The following PRAMEF20 variants were observed in gnomAD, a reference collection of about 807,000 sequenced individuals.
PRAMEF20 encodes PRAME family member 20/21.
Under a neutral mutation model 32.4 loss-of-function variants are expected in PRAMEF20, and 27 were observed. The ratio of observed to expected loss-of-function variants is 0.83; its 90% CI spans 0.61 to 1.15. The LOEUF is 1.15. Ranked by LOEUF, PRAMEF20 falls within the 50% of genes most tolerant of loss-of-function variation. The pLI is 0.00. For missense variants in PRAMEF20, 604 were observed against 584.5 expected (o/e 1.03, Z -0.34); for synonymous variants, 256 against 235.4 (o/e 1.09, Z -0.80).
chr1:13,412,172 C>G (rs1427272279), upstream of PRAMEF20, among the ~76,000 whole-genome samples: 2 of 152,040 alleles, frequency 1.3e-5, no homozygotes, highest in African/African-American at 2.4e-5. Context: ...CATGAGCCAC[C>G]ACACCAAGTT....
chr1:13,418,067 C>A, intron 1 of PRAMEF20, 55 bp from the exon 3 acceptor site: 4 of 1,609,466 alleles, frequency 2.5e-6, no homozygotes, highest in Non-Finnish European at 3.4e-6. Flanking sequence ...AGCCACTGAG[C>A]CCAGCCTCAG....
chr1:13,412,675 T>C (rs1641125090), upstream of PRAMEF20, among the ~76,000 whole-genome samples: 1 of 151,912 alleles, frequency 6.6e-6, no homozygotes, highest in African/African-American at 2.4e-5. Flanking sequence ...AATTATCCTA[T>C]CCAGTTTTCA....
At chr1:13,419,675 C>T (rs930328963) in intron 2 of PRAMEF20, among the ~76,000 whole-genome samples, 4 of 152,000 alleles carry the variant, frequency 2.6e-5, no homozygotes, top group African/African-American at 4.8e-5. Flanking sequence ...CCGCCCGCCT[C>T]GGCCTCCCAA....
intron 1 of PRAMEF20, among the ~76,000 whole-genome samples, 158 bp from the exon 3 acceptor site, chr1:13,417,964 C>T (rs1020552920): frequency 2.6e-4 from 24 of 91,560 alleles, no homozygotes; most frequent in East Asian, 6.6e-4. Context: ...TTAGTAGAGA[C>T]GGGGTTTCAC....
chr1:13,412,241 C>T (rs1235622048), upstream of PRAMEF20, among the ~76,000 whole-genome samples: 1 of 151,942 alleles, frequency 6.6e-6, no homozygotes, highest in African/African-American at 2.4e-5. Flanking sequence ...TGGTCTCCAA[C>T]TCCTGACTTC....
At position 13,416,963 on chromosome 1, in the gene PRAMEF20, G is replaced by T. The variant is rs1255411393; in HGVS notation, c.287+322G>T. Reference sequence around the variant, plus strand: ...GAGGCAGGTGGATCACCTGAAGTCAGGAGTTCAAGACCAGCCTGGCCAACA... The same window carrying T: ...GAGGCAGGTGGATCACCTGAAGTCATGAGTTCAAGACCAGCCTGGCCAACA... On this transcript the variant is annotated intron_variant, in intron 1 of 2. Coordinates refer to ENST00000602960, the Ensembl canonical transcript of PRAMEF20. Among the ~76,000 whole-genome samples, 2 of 152,182 alleles carry T rather than the reference G, an allele frequency of 1.3e-5. 1 individual carries two copies. Among genetic ancestry groups the T allele is most frequent in the South Asian group, 4.1e-4 (2 of 4,828 alleles).
exon 2 of PRAMEF20, chr1:13,418,246 T>A: frequency 6.2e-7 from 1 of 1,613,858 alleles, no homozygotes; most frequent in South Asian, 1.1e-5. Flanking sequence ...ACTGCAGGAC[T>A]GTCCAAGGAT....
the PRAMEF20 span, among the ~76,000 whole-genome samples, chr1:13,410,782 G>T: frequency 6.6e-6 from 1 of 151,864 alleles, no homozygotes; most frequent in Non-Finnish European, 1.5e-5. Flanking sequence ...ACTCTCGGAG[G>T]TCAATGTGGG....
the PRAMEF20 span, among the ~76,000 whole-genome samples, chr1:13,411,316 A>G: frequency 6.6e-6 from 1 of 152,142 alleles, no homozygotes; most frequent in African/African-American, 2.4e-5. Flanking sequence ...TGGGCAACAG[A>G]GTGAGACTCT....
At chr1:13,416,291 G>C, upstream of PRAMEF20, 1 of 1,611,714 alleles carries the variant, frequency 6.2e-7, no homozygotes, top group East Asian at 2.2e-5. Context: ...CATGGGCTTG[G>C]CCTGAGAGTG....
chr1:13,417,611 A>G (rs1641190722), intron 1 of PRAMEF20, among the ~76,000 whole-genome samples: 1 of 151,914 alleles, frequency 6.6e-6, no homozygotes, highest in Non-Finnish European at 1.5e-5. Context: ...TCAAAAAAAA[A>G]AAAGTGGAAC....
chr1:13,412,266 C>T (rs1001513216), upstream of PRAMEF20, among the ~76,000 whole-genome samples: 76 of 152,134 alleles, frequency 5.0e-4, no homozygotes, highest in East Asian at 0.014. Context: ...GATCCACCCA[C>T]CTCAGCCTCC....
At chr1:13,411,410 C>T (rs1042080110), upstream of PRAMEF20, among the ~76,000 whole-genome samples, 16 of 151,960 alleles carry the variant, frequency 1.1e-4, no homozygotes, top group African/African-American at 3.6e-4. Flanking sequence ...TAGGCAGATC[C>T]CAACCCACCC....
At chr1:13,421,001 A>C in exon 3 of PRAMEF20, 3 of 1,613,722 alleles carry the variant, frequency 1.9e-6, no homozygotes, top group Non-Finnish European at 2.5e-6. Context: ...TCCCATCTCC[A>C]CGGCCACCCT....
upstream of PRAMEF20, among the ~76,000 whole-genome samples, chr1:13,412,857 G>T (rs545450411): frequency 9.2e-5 from 14 of 151,812 alleles, no homozygotes; most frequent in Non-Finnish European, 1.6e-4. Context: ...CTGGGAGGTG[G>T]AGGTTACAGT....
At chr1:13,416,801 GA>G (rs913519423) in intron 1 of PRAMEF20, among the ~76,000 whole-genome samples, 160 bp downstream of exon 2, 5 of 152,232 alleles carry the variant, frequency 3.3e-5, no homozygotes, top group African/African-American at 1.2e-4. Context: ...GCTCCTCAGG[GA>G]AAGGACTGCT....
upstream of PRAMEF20, among the ~76,000 whole-genome samples, chr1:13,414,590 C>T (rs1397222078): frequency 1.2e-4 from 19 of 152,136 alleles, no homozygotes; most frequent in Admixed American, 1.1e-3. Context: ...TTCCAAGTAA[C>T]TGGGATGACA....
chr1:13,417,223 C>T (rs1641185923), intron 1 of PRAMEF20, among the ~76,000 whole-genome samples: 1 of 152,058 alleles, frequency 6.6e-6, no homozygotes, highest in Non-Finnish European at 1.5e-5. Context: ...CCTTATGGTC[C>T]CCTCCCATGT....
In PRAMEF20 at chr1:13,417,910, T is replaced by TTGTGTGTGTGTGTGTGTGTGTGTGTGTG. The variant is rs71272484; in HGVS notation, c.288-196_288-169dup. Reference sequence around the variant, plus strand: ...GCGCCCGCCACCACGCCCGGCTAATTTGTGTGTGTGTGTGTGTGTGTGTGT... The same window carrying TTGTGTGTGTGTGTGTGTGTGTGTGTGTG: ...GCGCCCGCCACCACGCCCGGCTAATTTGTGTGTGTGTGTGTGTGTGTGTGTGTGTGTGTGTGTGTGTGTGTGTGTGTGT... On this transcript the variant is annotated intron_variant, in intron 1 of 2. Coordinates refer to ENST00000602960, the Ensembl canonical transcript of PRAMEF20. Among the ~76,000 whole-genome samples the TTGTGTGTGTGTGTGTGTGTGTGTGTGTG allele has an allele frequency of 8.5e-4, 105 of 124,260 alleles. 1 individual carries two copies. The highest frequency in any genetic ancestry group is 1.3e-3 in the Non-Finnish European group (79 of 59,040). 81.5% of individuals were successfully genotyped at this position (124,260 alleles called of 152,430 possible). A position where few individuals can be genotyped will look rare whatever the true frequency, so the allele number is the denominator to read the frequency against.
Sources: gnomAD v4.1 joint callset for allele counts (sites outside exome capture counted in the v4.1 genomes callset) on GRCh38, gnomAD v4.1.1 for gene constraint, MANE v1.5 for transcripts, NCBI Gene and HGNC (gene_info 2026-07-23, HGNC 2026-07-21) for gene names.